The following CRTAM variants were observed in gnomAD, a reference collection of about 807,000 sequenced individuals.
The protein encoded by CRTAM is cytotoxic and regulatory T cell molecule, also known as cytotoxic and regulatory T-cell molecule.
In CRTAM, 44 loss-of-function variants were observed where a neutral mutation model predicts 50.0. That is an observed-to-expected ratio of 0.88 (90% CI 0.69 to 1.13). CRTAM has a LOEUF of 1.13. Ranked by LOEUF, CRTAM falls within the 50% of genes most tolerant of loss-of-function variation. The pLI, the probability that CRTAM is intolerant of heterozygous loss-of-function variation, is 0.00. For synonymous variants in CRTAM, 159 were observed against 169.3 expected (o/e 0.94, Z 0.47); for missense variants, 448 against 457.5 (o/e 0.98, Z 0.19).
At chr11:122,860,420 T>C (rs1017875633) in intron 5 of CRTAM, among the ~76,000 whole-genome samples, 7 of 152,178 alleles carry the variant, frequency 4.6e-5, no homozygotes, top group Admixed American at 3.9e-4. Context: ...GCATACCATA[T>C]TGGATAGCAG....
chr11:122,863,515 C>A (rs1446459037), intron 6 of CRTAM, among the ~76,000 whole-genome samples: 2 of 152,106 alleles, frequency 1.3e-5, no homozygotes, highest in African/African-American at 2.4e-5. Flanking sequence ...GCTTTCAGAG[C>A]ATTATCATGT....
At chr11:122,863,873 A>G (rs901030695) in intron 6 of CRTAM, among the ~76,000 whole-genome samples, 1 of 152,118 alleles carries the variant, frequency 6.6e-6, no homozygotes, top group Non-Finnish European at 1.5e-5. Flanking sequence ...CCCATTTTCA[A>G]TAGAATGGGA....
chr11:122,861,995 A>G (rs1403860157), intron 5 of CRTAM, among the ~76,000 whole-genome samples: 5 of 151,904 alleles, frequency 3.3e-5, no homozygotes, highest in Non-Finnish European at 7.4e-5. Context: ...AAATGCTGTC[A>G]GTATCTCCAT....
chr11:122,865,032 T>A (rs1862150875), intron 7 of CRTAM, among the ~76,000 whole-genome samples: 3 of 151,850 alleles, frequency 2.0e-5, no homozygotes, highest in Non-Finnish European at 2.9e-5. Context: ...CCCTTTTTTT[T>A]ATATATATAT....
Position 122,861,408 on chromosome 11 carries a change from ATATATATATATATTTTTTTTTT to A in CRTAM, c.653-1054_653-1033del, listed in dbSNP as rs1862076881. Among the ~76,000 whole-genome samples the A allele has an allele frequency of 1.7e-4, 4 of 23,308 alleles. No individual in the cohort carries two copies. The South Asian group carries it at 6.9e-3, about 40-fold the overall frequency. 15.3% of individuals were successfully genotyped at this position (23,308 alleles called of 152,430 possible). Reference sequence around the variant, plus strand: ...TACGTATATATATATATATATATATATATATATATATATTTTTTTTTTTTTTTTTTTTTTTTTTTTTTGAGAG... The same window carrying A: ...TACGTATATATATATATATATATATATTTTTTTTTTTTTTTTTTTTGAGAG... On this transcript the variant is annotated intron_variant, in intron 5 of 9. Coordinates refer to ENST00000227348, the MANE Select transcript of CRTAM (RefSeq NM_019604.4).
chr11:122,863,810 G>T (rs937396449), intron 6 of CRTAM, among the ~76,000 whole-genome samples: 2 of 151,898 alleles, frequency 1.3e-5, no homozygotes, highest in African/African-American at 2.4e-5. Context: ...TTAAAATAGG[G>T]TTTCTAAAAT....
At chr11:122,846,023 T>C (rs958636906) in intron 1 of CRTAM, among the ~76,000 whole-genome samples, 1 of 151,854 alleles carries the variant, frequency 6.6e-6, no homozygotes, top group Non-Finnish European at 1.5e-5. Context: ...AAAAAAACAA[T>C]GATGGTAGAA....
chr11:122,862,208 A>T, intron 5 of CRTAM: 1 of 504,204 alleles, frequency 2.0e-6, no homozygotes, highest in Non-Finnish European at 3.5e-6. Context: ...AACAGTGAAT[A>T]CTCTTTGCCT....
chr11:122,871,192 C>A, intron 9 of CRTAM, 77 bp from the exon 10 acceptor site: 3 of 1,314,646 alleles, frequency 2.3e-6, no homozygotes, highest in African/African-American at 1.5e-5. Flanking sequence ...AATATGATAT[C>A]CAATCAAAGT....
At chr11:122,839,217 C>T (rs1261894995) in intron 1 of CRTAM, among the ~76,000 whole-genome samples, 2 of 152,230 alleles carry the variant, frequency 1.3e-5, no homozygotes, top group African/African-American at 2.4e-5. Context: ...CAGGCGTAAG[C>T]CACCGCGCCC....
rs1565293141 is a variant in CRTAM at position 122,864,632 on chromosome 11, T to G, written c.734-4T>G. On this transcript the variant is annotated splice_region_variant and splice_polypyrimidine_tract_variant and intron_variant, in intron 6 of 9. Coordinates refer to ENST00000227348, the MANE Select transcript of CRTAM (RefSeq NM_019604.4). ...AGCTCATGTTTTATCTTCTTTCACT[T>G]TAGTCTCAGTAACGGAAGATTCTAG... 1.2e-6 allele frequency: 2 copies of G among 1,602,594 alleles called. No homozygotes were observed. Among genetic ancestry groups the G allele is most frequent in the Non-Finnish European group, 1.7e-6 (2 of 1,169,606 alleles).
chr11:122,851,115 A>C (rs1331544512), intron 2 of CRTAM, among the ~76,000 whole-genome samples: 1 of 151,784 alleles, frequency 6.6e-6, no homozygotes, highest in Non-Finnish European at 1.5e-5. Context: ...ATACAAAAAA[A>C]TTAGCTGGGC....
chr11:122,858,964 G>A (rs1043966393), intron 5 of CRTAM, among the ~76,000 whole-genome samples: 3 of 151,708 alleles, frequency 2.0e-5, no homozygotes, highest in African/African-American at 4.8e-5. Context: ...AAAAATAATC[G>A]AGAACCCCAA....
At chr11:122,847,513 G>C (rs1397339325) in intron 1 of CRTAM, among the ~76,000 whole-genome samples, 1 of 152,230 alleles carries the variant, frequency 6.6e-6, no homozygotes, top group Admixed American at 6.5e-5. Context: ...AGGGAGACGT[G>C]ATGTGACACA....
intron 7 of CRTAM, among the ~76,000 whole-genome samples, chr11:122,866,044 G>T (rs192359969): frequency 3.9e-5 from 6 of 152,126 alleles, no homozygotes; most frequent in Admixed American, 3.9e-4. Flanking sequence ...CTCTTTATCT[G>T]CATACCTGTG....
chr11:122,867,071 C>T (rs1224411456), intron 7 of CRTAM, among the ~76,000 whole-genome samples: 2 of 152,164 alleles, frequency 1.3e-5, no homozygotes, highest in Non-Finnish European at 2.9e-5. Context: ...AAAAATCATT[C>T]CTAAAGCTAA....
In CRTAM at chr11:122,864,633, T is replaced by C; in HGVS notation, c.734-3T>C. 1 of 1,603,022 alleles carries C rather than the reference T, an allele frequency of 6.2e-7. No homozygotes were observed. Among genetic ancestry groups the C allele is most frequent in the Non-Finnish European group, 8.5e-7 (1 of 1,169,956 alleles). ...GCTCATGTTTTATCTTCTTTCACTT[T>C]AGTCTCAGTAACGGAAGATTCTAGT... On this transcript the variant is annotated splice_region_variant and splice_polypyrimidine_tract_variant and intron_variant, in intron 6 of 9. Coordinates refer to ENST00000227348, the MANE Select transcript of CRTAM (RefSeq NM_019604.4).
At chr11:122,868,254 T>G (rs1468797201) in intron 9 of CRTAM, among the ~76,000 whole-genome samples, 155 bp downstream of exon 9, 1 of 141,040 alleles carries the variant, frequency 7.1e-6, no homozygotes, top group Admixed American at 7.2e-5. Flanking sequence ...TGGGATTTAT[T>G]AGGGGAATTG....
At chr11:122,861,412 A>G (rs1432388331) in intron 5 of CRTAM, among the ~76,000 whole-genome samples, 11 of 24,244 alleles carry the variant, frequency 4.5e-4, no homozygotes, top group Admixed American at 1.5e-3. Context: ...ATATATATAT[A>G]TATATATATT....
Sources: gnomAD v4.1 joint callset for allele counts (sites outside exome capture counted in the v4.1 genomes callset) on GRCh38, gnomAD v4.1.1 for gene constraint, MANE v1.5 for transcripts, NCBI Gene and HGNC (gene_info 2026-07-23, HGNC 2026-07-21) for gene names.